Variants in GPM6A observed in about 807,000 individuals in gnomAD.
GPM6A encodes the protein neuronal membrane glycoprotein M6-a.
A neutral mutation model predicts 32.1 loss-of-function variants in GPM6A; 7 were observed. The observed-to-expected ratio is 0.22, with a 90% CI of 0.12 to 0.41. GPM6A has a LOEUF of 0.41. GPM6A is among the 10% of genes least tolerant of loss of function. The probability of loss-of-function intolerance (pLI) is 1.00; values close to 1 mark genes in which losing one functional copy is unlikely to be tolerated. For missense variants in GPM6A, 235 were observed against 347.2 expected (o/e 0.68, Z 2.57); for synonymous variants, 130 against 123.4 (o/e 1.05, Z -0.35).
At chr4:175,674,981 G>A (rs1385399129) in intron 2 of GPM6A, among the ~76,000 whole-genome samples, 2 of 151,626 alleles carry the variant, frequency 1.3e-5, no homozygotes, top group Non-Finnish European at 2.9e-5. Flanking sequence ...AGCCAGAACT[G>A]ATACATAATA....
intron 1 of GPM6A, among the ~76,000 whole-genome samples, chr4:175,921,647 A>C (rs1738672381): frequency 6.6e-6 from 1 of 152,228 alleles, no homozygotes; most frequent in African/African-American, 2.4e-5. Flanking sequence ...CAGTAAATTT[A>C]ATGCATTTTG....
chr4:175,974,272 G>A (rs1483928743), intron 1 of GPM6A, among the ~76,000 whole-genome samples: 1 of 152,120 alleles, frequency 6.6e-6, no homozygotes, highest in Non-Finnish European at 1.5e-5. Context: ...TAAACAGCCT[G>A]TATGGTAGAT....
Position 175,812,175 on chromosome 4 carries a change from G to T in GPM6A, c.37+16C>A, listed in dbSNP as rs371268534. ...AATAATTACTTAGTTACAAATAAAC[G>T]CTTTTAGCACAGTACCTTTTTGTGT... On this transcript the variant is annotated intron_variant, in intron 1 of 6. Transcript: ENST00000393658. The T allele has an allele frequency of 7.1e-6, 11 of 1,545,102 alleles. No homozygotes were observed. The highest frequency in any genetic ancestry group is 8.9e-6 in the Non-Finnish European group (10 of 1,129,488).
intron 6 of GPM6A, among the ~76,000 whole-genome samples, chr4:175,636,623 C>A (rs1211448548): frequency 2.0e-5 from 3 of 150,186 alleles, no homozygotes; most frequent in Non-Finnish European, 4.4e-5. Context: ...TAGTGAAACC[C>A]CATCTCTACT....
chr4:175,905,910 T>C (rs1738117550), intron 1 of GPM6A, among the ~76,000 whole-genome samples: 3 of 152,174 alleles, frequency 2.0e-5, no homozygotes, highest in Admixed American at 2.0e-4. Context: ...ACTTAGTTTC[T>C]TTCTCAATTA....
At chr4:175,837,361 G>C (rs1361724372) in intron 1 of GPM6A, among the ~76,000 whole-genome samples, 1 of 152,158 alleles carries the variant, frequency 6.6e-6, no homozygotes, top group African/African-American at 2.4e-5. Flanking sequence ...GATGTTTTAA[G>C]CTAAATTGAT....
At chr4:175,937,161 GCTT>G (rs1739267741) in intron 1 of GPM6A, among the ~76,000 whole-genome samples, 1 of 152,012 alleles carries the variant, frequency 6.6e-6, no homozygotes, top group Non-Finnish European at 1.5e-5. Flanking sequence ...TTATTAATGT[GCTT>G]CTTCTTTGAC....
chr4:175,767,813 G>C (rs1303211544), intron 1 of GPM6A, among the ~76,000 whole-genome samples: 1 of 152,238 alleles, frequency 6.6e-6, no homozygotes, highest in African/African-American at 2.4e-5. Context: ...CGGATGTTGA[G>C]TGGGTGGTTT....
chr4:175,634,841 T>C lies in GPM6A; in HGVS notation c.*64A>G. Reference sequence around the variant, plus strand: ...TTCGTTTTGTTTTTTAAAGGTTGGATGGTTGGATGGCCCTTAGTTAAACAC... The same window carrying C: ...TTCGTTTTGTTTTTTAAAGGTTGGACGGTTGGATGGCCCTTAGTTAAACAC... On this transcript the variant is annotated 3_prime_UTR_variant, in exon 7 of 7. Transcript: ENST00000393658. 1.4e-6 allele frequency: 2 copies of C among 1,379,398 alleles called. No homozygotes were observed. Among genetic ancestry groups the C allele is most frequent in the South Asian group, 1.2e-5 (1 of 83,382 alleles). The allele number at this position is 1,379,398 out of a possible 1,614,324, so 85.4% of individuals were successfully genotyped here.
intron 4 of GPM6A, among the ~76,000 whole-genome samples, chr4:175,650,852 A>G (rs1213961595): frequency 6.6e-6 from 1 of 152,194 alleles, no homozygotes; most frequent in African/African-American, 2.4e-5. Context: ...CAGTGTCCCC[A>G]GGTGTTAGTA....
intron 1 of GPM6A, among the ~76,000 whole-genome samples, chr4:175,946,609 C>T (rs1157888972): frequency 2.0e-5 from 3 of 152,134 alleles, no homozygotes; most frequent in South Asian, 2.1e-4. Flanking sequence ...TAGAAGCCAG[C>T]GATGTGAGGC....
intron 1 of GPM6A, among the ~76,000 whole-genome samples, chr4:175,808,211 C>G (rs995013765): frequency 4.6e-5 from 7 of 152,044 alleles, no homozygotes; most frequent in Non-Finnish European, 1.0e-4. Context: ...TCTGAAGAGA[C>G]TTTTAGTCAG....
At chr4:175,874,965 C>T (rs1579586904) in intron 1 of GPM6A, among the ~76,000 whole-genome samples, 1 of 152,132 alleles carries the variant, frequency 6.6e-6, no homozygotes, top group East Asian at 1.9e-4. Context: ...TTACCTTAGC[C>T]CCAAGGTGTG....
chr4:175,803,134 T>A (rs1370821378), intron 1 of GPM6A, among the ~76,000 whole-genome samples: 3 of 149,364 alleles, frequency 2.0e-5, no homozygotes, highest in African/African-American at 7.4e-5. Flanking sequence ...TCCCCTCCCC[T>A]CTTCCTTCTC....
intron 1 of GPM6A, among the ~76,000 whole-genome samples, chr4:175,944,579 T>G (rs536499931): frequency 3.0e-4 from 45 of 152,204 alleles, no homozygotes; most frequent in Non-Finnish European, 5.9e-4. Context: ...TTACCACATA[T>G]GGAGAGCATA....
At chr4:175,851,648 G>A (rs1736262923) in intron 1 of GPM6A, among the ~76,000 whole-genome samples, 1 of 152,274 alleles carries the variant, frequency 6.6e-6, no homozygotes, top group East Asian at 1.9e-4. Flanking sequence ...GTAAGGAGGA[G>A]AAAGCCTGTC....
intron 1 of GPM6A, among the ~76,000 whole-genome samples, chr4:175,881,844 G>C (rs1234871543): frequency 1.3e-5 from 2 of 151,408 alleles, no homozygotes; most frequent in Non-Finnish European, 2.9e-5. Flanking sequence ...CCTGTTGCAG[G>C]GTGGGAGGAG....
At chr4:175,941,419 T>C (rs1739401550) in intron 1 of GPM6A, among the ~76,000 whole-genome samples, 1 of 151,068 alleles carries the variant, frequency 6.6e-6, no homozygotes, top group Admixed American at 6.6e-5. Flanking sequence ...CTTTAAGTTC[T>C]GTGATACATG....
At chr4:175,878,064 C>T (rs1295767345) in intron 1 of GPM6A, among the ~76,000 whole-genome samples, 1 of 152,246 alleles carries the variant, frequency 6.6e-6, no homozygotes, top group Non-Finnish European at 1.5e-5. Flanking sequence ...CCTTTGACTC[C>T]ATGTCTCCCA....
Sources: allele counts gnomAD v4.1 joint callset (sites outside exome capture counted in the v4.1 genomes callset), GRCh38; gene constraint gnomAD v4.1.1; transcripts MANE v1.5; gene names NCBI Gene and HGNC (gene_info 2026-07-23, HGNC 2026-07-21).